Variants in TRAPPC3 observed in about 807,000 individuals in gnomAD.
TRAPPC3 encodes the protein trafficking protein particle complex 3.
TRAPPC3 carries 5 observed loss-of-function variants against 18.2 expected under a neutral mutation model. That is an observed-to-expected ratio of 0.28 (90% CI 0.14 to 0.58). The LOEUF is 0.58. Among genes scored for constraint, TRAPPC3 ranks in the 20% least tolerant of loss-of-function variants. The pLI, the probability that TRAPPC3 is intolerant of heterozygous loss-of-function variation, is 0.91. For synonymous variants in TRAPPC3, 65 were observed against 84.2 expected (o/e 0.77, Z 1.25); for missense variants, 176 against 225.9 (o/e 0.78, Z 1.41).
chr1:36,151,209 C>T (rs1644268809), upstream of TRAPPC3, among the ~76,000 whole-genome samples: 1 of 152,122 alleles, frequency 6.6e-6, no homozygotes, highest in Non-Finnish European at 1.5e-5. Context: ...ATGATCCCCT[C>T]CTCACTCAGA....
intron 1 of TRAPPC3, among the ~76,000 whole-genome samples, chr1:36,145,121 C>A (rs3767708): frequency 0.76 from 115,175 of 151,772 alleles, 43,938 homozygotes; most frequent in Admixed American, 0.82. Context: ...TCCCGGGTTC[C>A]TGCCATTCTC....
chr1:36,139,102 A>T (rs2124142491), intron 3 of TRAPPC3, among the ~76,000 whole-genome samples: 1 of 151,786 alleles, frequency 6.6e-6, no homozygotes, highest in African/African-American at 2.4e-5. Flanking sequence ...ATTTAAAGTA[A>T]CTTATCTAAA....
chr1:36,138,267 C>G (rs1359913025), intron 3 of TRAPPC3: 11 of 1,537,346 alleles, frequency 7.2e-6, no homozygotes, highest in Non-Finnish European at 9.6e-6. Context: ...AACTCACTCA[C>G]TGTGTGCTTG....
At chr1:36,149,765 C>G (rs947786281), upstream of TRAPPC3, among the ~76,000 whole-genome samples, 2 of 152,152 alleles carry the variant, frequency 1.3e-5, no homozygotes, top group Non-Finnish European at 2.9e-5. Flanking sequence ...CCCCCTCCCC[C>G]CGCGCCCGGC....
intron 1 of TRAPPC3, among the ~76,000 whole-genome samples, chr1:36,144,183 G>A (rs1644157763): frequency 6.6e-6 from 1 of 151,468 alleles, no homozygotes; most frequent in Admixed American, 6.6e-5. Context: ...AGCTACTTGG[G>A]AGGCTGTGGC....
At chr1:36,149,571 T>C (rs201136335), upstream of TRAPPC3, 39 of 661,386 alleles carry the variant, frequency 5.9e-5, 1 homozygote, top group East Asian at 8.7e-4. Context: ...CCAACAAACG[T>C]CAGACTACAA....
chr1:36,137,668 T>C (rs575885689), intron 4 of TRAPPC3, 128 bp downstream of exon 4: 2 of 973,938 alleles, frequency 2.1e-6, no homozygotes, highest in Non-Finnish European at 3.0e-6. Context: ...CTCAGCAGCA[T>C]CACCATCTCA....
chr1:36,150,533 C>A (rs1290577306), upstream of TRAPPC3, among the ~76,000 whole-genome samples: 1 of 152,202 alleles, frequency 6.6e-6, no homozygotes, highest in Admixed American at 6.5e-5. Flanking sequence ...GCATTCTGGC[C>A]CCTAGCCCTC....
At chr1:36,154,080 C>T (rs1048973571), upstream of TRAPPC3, among the ~76,000 whole-genome samples, 1 of 152,216 alleles carries the variant, frequency 6.6e-6, no homozygotes, top group African/African-American at 2.4e-5. Flanking sequence ...TCTTGGCTCA[C>T]TGCAACCTCC....
intron 3 of TRAPPC3, chr1:36,138,245 C>T: frequency 6.5e-7 from 1 of 1,539,616 alleles, no homozygotes; most frequent in Non-Finnish European, 8.7e-7. Flanking sequence ...AGGCATCATA[C>T]AAGTAAGCAA....
intron 3 of TRAPPC3, chr1:36,139,432 A>C: frequency 3.2e-6 from 1 of 313,164 alleles, no homozygotes; most frequent in Non-Finnish European, 6.0e-6. Context: ...CTAGGATTAC[A>C]GATGTGAGCC....
chr1:36,155,087 T>C lies in TRAPPC3; in HGVS notation c.-97+796A>G, dbSNP rs192941731. On this transcript the variant is annotated intron_variant, in intron 1 of 4. Transcript: ENST00000617904. ...GGGAAGGGGGGCAAGGGGGACAGTA[T>C]CTCACTGGGCCTAATCTCTGGACAA... Among the ~76,000 whole-genome samples the C allele has an allele frequency of 3.3e-4, 50 of 152,320 alleles. No homozygotes were observed. The Middle Eastern group carries it at 0.01, about 31-fold the overall frequency.
chr1:36,151,455 C>T (rs80215402), upstream of TRAPPC3, among the ~76,000 whole-genome samples: 1 of 151,604 alleles, frequency 6.6e-6, no homozygotes, highest in Non-Finnish European at 1.5e-5. Context: ...TTAAAAAAAA[C>T]AACAACCAGC....
chr1:36,152,915 G>A (rs547127026), upstream of TRAPPC3, among the ~76,000 whole-genome samples: 27 of 152,346 alleles, frequency 1.8e-4, no homozygotes, highest in African/African-American at 6.5e-4. Context: ...GCCTCCCAAA[G>A]TGCTGGGATT....
chr1:36,142,940 G>A (rs960384342), intron 1 of TRAPPC3, among the ~76,000 whole-genome samples: 1 of 152,168 alleles, frequency 6.6e-6, no homozygotes, highest in Non-Finnish European at 1.5e-5. Context: ...GCTGAGGCGG[G>A]AGGATGGCTT....
At chr1:36,138,333 G>C (rs1169241379) in intron 3 of TRAPPC3, 7 of 1,402,348 alleles carry the variant, frequency 5.0e-6, no homozygotes, top group African/African-American at 1.4e-5. Context: ...CCTGAGTGCA[G>C]AGGCCCTAAC....
chr1:36,142,080 T>C (rs188753688), intron 1 of TRAPPC3, among the ~76,000 whole-genome samples: 1 of 152,006 alleles, frequency 6.6e-6, no homozygotes, highest in East Asian at 1.9e-4. Flanking sequence ...CTATCCACTC[T>C]TCCCCACAAC....
upstream of TRAPPC3, among the ~76,000 whole-genome samples, chr1:36,150,310 C>G (rs1234523354): frequency 6.6e-6 from 1 of 152,228 alleles, no homozygotes; most frequent in Non-Finnish European, 1.5e-5. Flanking sequence ...AGCCACCCTC[C>G]AAAAACAAGC....
intron 1 of TRAPPC3, among the ~76,000 whole-genome samples, chr1:36,143,253 TG>T (rs549681486): frequency 1.4e-5 from 2 of 142,294 alleles, no homozygotes; most frequent in South Asian, 2.4e-4. Flanking sequence ...GTGTGTGTGT[TG>T]GGGGGGTGGT....
Sources: allele counts gnomAD v4.1 joint callset (sites outside exome capture counted in the v4.1 genomes callset), GRCh38; gene constraint gnomAD v4.1.1; transcripts MANE v1.5; gene names NCBI Gene and HGNC (gene_info 2026-07-23, HGNC 2026-07-21).